Variants in CADM1 observed in about 807,000 individuals in gnomAD.
CADM1 encodes the protein cell adhesion molecule 1, also known as TSLC-1.
Under a neutral mutation model 53.1 loss-of-function variants are expected in CADM1, and 15 were observed. The observed-to-expected ratio is 0.28, with a 90% CI of 0.19 to 0.44. The LOEUF is 0.44. Among genes scored for constraint, CADM1 ranks in the 20% least tolerant of loss-of-function variants. The pLI is 1.00. For synonymous variants in CADM1, 281 were observed against 243.0 expected (o/e 1.16, Z -1.45); for missense variants, 434 against 611.3 (o/e 0.71, Z 3.06).
At chr11:115,458,984 C>G (rs1412655161) in intron 1 of CADM1, among the ~76,000 whole-genome samples, 1 of 152,158 alleles carries the variant, frequency 6.6e-6, no homozygotes, top group Non-Finnish European at 1.5e-5. Context: ...CGGTTAATCA[C>G]TCATCATGTA....
intron 1 of CADM1, among the ~76,000 whole-genome samples, chr11:115,328,046 A>T (rs1336806700): frequency 6.6e-6 from 1 of 151,954 alleles, no homozygotes; most frequent in African/African-American, 2.4e-5. Flanking sequence ...CTGGGTTTTG[A>T]GAGATTCAAA....
At chr11:115,228,627 G>A (rs1365198842) in intron 5 of CADM1, among the ~76,000 whole-genome samples, 1 of 152,128 alleles carries the variant, frequency 6.6e-6, no homozygotes, top group Non-Finnish European at 1.5e-5. Flanking sequence ...TTTTATTGAT[G>A]AAGCCATCAA....
intron 1 of CADM1, among the ~76,000 whole-genome samples, chr11:115,483,669 CTCACTAGTTA>C (rs1477728651): frequency 6.6e-6 from 1 of 152,196 alleles, no homozygotes; most frequent in Non-Finnish European, 1.5e-5. Flanking sequence ...CCAACCTCCT[CTCACTAGTTA>C]AAAATACCGA....
chr11:115,331,861 T>C (rs974352217), intron 1 of CADM1, among the ~76,000 whole-genome samples: 3 of 150,242 alleles, frequency 2.0e-5, no homozygotes, highest in African/African-American at 7.4e-5. Flanking sequence ...GTAACTAAAA[T>C]GAAATATAGA....
At chr11:115,318,126 AAAT>A (rs1304031558) in intron 1 of CADM1, among the ~76,000 whole-genome samples, 1 of 152,176 alleles carries the variant, frequency 6.6e-6, no homozygotes, top group Non-Finnish European at 1.5e-5. Flanking sequence ...AGCAAAGTAA[AAAT>A]AATGAGTCTC....
chr11:115,212,614 A>T (rs1941013215), intron 7 of CADM1, among the ~76,000 whole-genome samples: 1 of 152,220 alleles, frequency 6.6e-6, no homozygotes, highest in Non-Finnish European at 1.5e-5. Context: ...TAATTCTAAA[A>T]GGATCATCTC....
At chr11:115,484,673 C>T (rs1320170071) in intron 1 of CADM1, among the ~76,000 whole-genome samples, 8 of 152,104 alleles carry the variant, frequency 5.3e-5, no homozygotes, top group African/African-American at 1.2e-4. Flanking sequence ...CTGGGCCGGG[C>T]GCGGTGGCTC....
At position 115,484,764 on chromosome 11, in the gene CADM1, G is replaced by A. The variant is rs375198484; in HGVS notation, c.124+19507C>T. ...AGATTGAGACCATCCTGGCTAACAC[G>A]GTGAAACCCCATCTCTACTAAAAAT... On this transcript the variant is annotated intron_variant, in intron 1 of 11. Transcript: ENST00000331581. Among the ~76,000 whole-genome samples the A allele has an allele frequency of 1.1e-4, 17 of 152,026 alleles. No homozygotes were observed. In the East Asian group the frequency reaches 1.6e-3, roughly 14 times the overall value.
intron 1 of CADM1, among the ~76,000 whole-genome samples, chr11:115,489,588 T>C (rs1289425204): frequency 6.6e-6 from 1 of 152,212 alleles, no homozygotes; most frequent in Non-Finnish European, 1.5e-5. Flanking sequence ...TCTTTACATA[T>C]ACATGGGATT....
chr11:115,490,392 ATT>A (rs35633504), intron 1 of CADM1, among the ~76,000 whole-genome samples: 25 of 109,298 alleles, frequency 2.3e-4, no homozygotes, highest in South Asian at 3.0e-4. Flanking sequence ...GGAAGAACAG[ATT>A]TTTTTTTTTT....
intron 1 of CADM1, among the ~76,000 whole-genome samples, chr11:115,298,962 C>T (rs961297391): frequency 1.3e-5 from 2 of 152,104 alleles, no homozygotes; most frequent in East Asian, 3.9e-4. Flanking sequence ...CAGACTCTCT[C>T]GGAATACTAA....
At chr11:115,303,288 C>T (rs1944281205) in intron 1 of CADM1, among the ~76,000 whole-genome samples, 1 of 152,010 alleles carries the variant, frequency 6.6e-6, no homozygotes, top group Non-Finnish European at 1.5e-5. Context: ...CATGTAATCA[C>T]TGAGATTTTC....
rs1944477141 is a variant in CADM1 at position 115,309,555 on chromosome 11, G to C, written c.125-69135C>G. Reference sequence around the variant, plus strand: ...GTCCTTTGTTTTTCTTTTACTTTTTGTCAGTTAGGAAACACGTATCTGTTT... The same window carrying C: ...GTCCTTTGTTTTTCTTTTACTTTTTCTCAGTTAGGAAACACGTATCTGTTT... On this transcript the variant is annotated intron_variant, in intron 1 of 11. Transcript: ENST00000331581. 2.0e-5 allele frequency among the ~76,000 whole-genome samples: 3 copies of C among 151,988 alleles called. No individual in the cohort carries two copies. The South Asian group carries it at 6.2e-4, about 32-fold the overall frequency.
intron 1 of CADM1, among the ~76,000 whole-genome samples, chr11:115,370,409 C>T (rs1946279857): frequency 6.6e-6 from 1 of 152,140 alleles, no homozygotes; most frequent in Non-Finnish European, 1.5e-5. Flanking sequence ...TGGAGTCAGT[C>T]CCTTTGCAGG....
chr11:115,329,426 G>A (rs185945661), intron 1 of CADM1, among the ~76,000 whole-genome samples: 20 of 152,112 alleles, frequency 1.3e-4, no homozygotes, highest in African/African-American at 4.1e-4. Context: ...ACTATGAAAC[G>A]GGAGAGTTCC....
chr11:115,388,714 A>G (rs538080251), intron 1 of CADM1, among the ~76,000 whole-genome samples: 6 of 152,308 alleles, frequency 3.9e-5, no homozygotes, highest in African/African-American at 1.4e-4. Flanking sequence ...TACCTAAAAA[A>G]TAAAAGAGGT....
chr11:115,435,460 T>C (rs1351180741), intron 1 of CADM1, among the ~76,000 whole-genome samples: 2 of 151,968 alleles, frequency 1.3e-5, no homozygotes, highest in Non-Finnish European at 2.9e-5. Flanking sequence ...GGGCTGGGCG[T>C]GGTGGCTCAC....
At chr11:115,245,059 C>T (rs2134940585) in intron 1 of CADM1, among the ~76,000 whole-genome samples, 1 of 152,276 alleles carries the variant, frequency 6.6e-6, no homozygotes, top group East Asian at 1.9e-4. Context: ...ATAGTTAAAA[C>T]AGAATTGAGT....
intron 1 of CADM1, among the ~76,000 whole-genome samples, chr11:115,284,588 T>C (rs946176110): frequency 3.9e-5 from 6 of 152,186 alleles, no homozygotes; most frequent in African/African-American, 1.4e-4. Flanking sequence ...CATGAAAGTT[T>C]ACATACTGTA....
Sources: allele counts gnomAD v4.1 joint callset (sites outside exome capture counted in the v4.1 genomes callset), GRCh38; gene constraint gnomAD v4.1.1; transcripts MANE v1.5; gene names NCBI Gene and HGNC (gene_info 2026-07-23, HGNC 2026-07-21).